The following MAGI1 variants were observed in gnomAD, a reference collection of about 807,000 sequenced individuals.
The protein encoded by MAGI1 is membrane associated guanylate kinase, WW and PDZ domain containing 1, also known as membrane-associated guanylate kinase, WW and PDZ domain-containing protein 1.
Under a neutral mutation model 139.9 loss-of-function variants are expected in MAGI1, and 58 were observed. The observed-to-expected ratio is 0.41, with a 90% CI of 0.34 to 0.52. The LOEUF (loss-of-function observed/expected upper bound fraction) is 0.52, where lower values mean the gene tolerates loss of function less well. MAGI1 is among the 20% of genes least tolerant of loss of function. The pLI is 0.12. For synonymous variants in MAGI1, 812 were observed against 737.9 expected, an observed-to-expected ratio of 1.10 and a Z score of -1.63; for missense variants, 1,874 against 1,901.6, an observed-to-expected ratio of 0.99 and a Z score of 0.27.
intron 1 of MAGI1, among the ~76,000 whole-genome samples, chr3:65,982,256 G>C (rs546098903): frequency 4.6e-5 from 7 of 152,184 alleles, no homozygotes; most frequent in Non-Finnish European, 1.0e-4. Context: ...GATCCTCTCA[G>C]CCTGAGACTG....
chr3:65,557,212 C>A (rs1195788533), intron 2 of MAGI1, among the ~76,000 whole-genome samples: 1 of 152,216 alleles, frequency 6.6e-6, no homozygotes, highest in Non-Finnish European at 1.5e-5. Context: ...GTATGCCACC[C>A]CTAAGATTAG....
intron 1 of MAGI1, among the ~76,000 whole-genome samples, chr3:65,925,607 T>C (rs1220971803): frequency 6.6e-6 from 1 of 152,200 alleles, no homozygotes; most frequent in African/African-American, 2.4e-5. Context: ...GTTTGTTAGA[T>C]TGATAAAAAT....
chr3:65,655,256 G>C (rs1030118075), intron 1 of MAGI1, among the ~76,000 whole-genome samples: 3 of 152,120 alleles, frequency 2.0e-5, no homozygotes, highest in South Asian at 2.1e-4. Context: ...ACCACCTGTA[G>C]TCCCAGATGG....
Position 65,391,176 on chromosome 3 carries a change from G to T in MAGI1, c.2382C>A (p.Ile794=). ...SGQKKPDPFK[I]WAQSRSMYEN... ...CATACATGCTCCTGGACTGGGCCCA[G>T]ATTTTAAAAGGATCTGGTTTTTTCT... Residue 794 remains isoleucine, a synonymous_variant, in exon 14 of 23, where the codon ATC becomes ATA. Transcript: ENST00000402939. 1 of 1,614,214 alleles carries T rather than the reference G, an allele frequency of 6.2e-7. No individual in the cohort carries two copies. Among genetic ancestry groups the T allele is most frequent in the Non-Finnish European group, 8.5e-7 (1 of 1,180,050 alleles).
intron 1 of MAGI1, among the ~76,000 whole-genome samples, chr3:65,942,358 G>A (rs1306078169): frequency 6.6e-6 from 1 of 152,146 alleles, no homozygotes; most frequent in Non-Finnish European, 1.5e-5. Context: ...AATGATATCT[G>A]AAGACGTTTT....
intron 1 of MAGI1, among the ~76,000 whole-genome samples, chr3:65,883,569 T>C (rs1034148386): frequency 1.3e-5 from 2 of 152,228 alleles, no homozygotes; most frequent in African/African-American, 4.8e-5. Flanking sequence ...CCAGTTTACA[T>C]GGAATGTGTC....
intron 1 of MAGI1, among the ~76,000 whole-genome samples, chr3:65,905,011 G>A (rs926411720): frequency 3.3e-5 from 5 of 152,204 alleles, no homozygotes; most frequent in Non-Finnish European, 7.3e-5. Flanking sequence ...ACTCCGTATA[G>A]GGGATCTTAA....
chr3:65,998,039 G>T (rs2066546961), intron 1 of MAGI1, among the ~76,000 whole-genome samples: 1 of 150,634 alleles, frequency 6.6e-6, no homozygotes, highest in Non-Finnish European at 1.5e-5. Flanking sequence ...GGAGGCAGAG[G>T]TTGCAGTGAG....
At chr3:65,989,513 G>A (rs555786650) in intron 1 of MAGI1, among the ~76,000 whole-genome samples, 40 of 152,206 alleles carry the variant, frequency 2.6e-4, no homozygotes, top group Middle Eastern at 3.4e-3. Context: ...AGATGAATTT[G>A]TAATACCAGA....
At chr3:66,001,903 T>C (rs1301836960) in intron 1 of MAGI1, among the ~76,000 whole-genome samples, 2 of 152,148 alleles carry the variant, frequency 1.3e-5, no homozygotes, top group Non-Finnish European at 2.9e-5. Context: ...ACAAAAGTGA[T>C]CCTATATGAT....
chr3:65,575,157 C>G (rs970405938), intron 2 of MAGI1, among the ~76,000 whole-genome samples: 1 of 151,968 alleles, frequency 6.6e-6, no homozygotes, highest in African/African-American at 2.4e-5. Context: ...GTACAAATCA[C>G]ATATCTGAAA....
rs60730110 is a variant in MAGI1 at position 65,927,142 on chromosome 3, G to C, written c.313+110854C>G. Among the ~76,000 whole-genome samples, 1,030 of 152,296 alleles carry C rather than the reference G, an allele frequency of 6.8e-3. 7 individuals are homozygous for C. The highest frequency in any genetic ancestry group is 0.024 in the African/African-American group (979 of 41,568). On this transcript the variant is annotated intron_variant, in intron 1 of 22. Transcript: ENST00000402939. ...GGGCAACCGGCAGCCCTCAGGGCTG[G>C]TCTGCCTATGGAGTAGCCATTCTTT...
At chr3:65,981,531 T>C (rs768711760) in intron 1 of MAGI1, among the ~76,000 whole-genome samples, 1 of 152,182 alleles carries the variant, frequency 6.6e-6, no homozygotes, top group Non-Finnish European at 1.5e-5. Flanking sequence ...TTATAAAATA[T>C]TATATGAGAG....
chr3:66,038,171 C>A lies in MAGI1; in HGVS notation c.138G>T (p.Ala46=). ...GCCCCGCTGCCTCGACCGCCGCCACCGCTCCGACGTACGGAAACTCCCCGT... is the reference window on the plus strand; with the variant it reads ...GCCCCGCTGCCTCGACCGCCGCCACAGCTCCGACGTACGGAAACTCCCCGT... The part of the protein sequence containing the change: ...AEHGEFPYVG[A]VAAVEAAGLP... The change falls in exon 1 of 23, where the codon GCG becomes GCT. Residue 46 remains alanine (A), a synonymous_variant. Coordinates refer to ENST00000402939, the MANE Select transcript of MAGI1 (RefSeq NM_001033057.2). The A allele has an allele frequency of 1.2e-6, 2 of 1,612,104 alleles. No homozygotes were observed. Among genetic ancestry groups the A allele is most frequent in the Non-Finnish European group, 1.7e-6 (2 of 1,179,522 alleles).
chr3:65,801,619 G>A (rs1362797636), intron 1 of MAGI1, among the ~76,000 whole-genome samples: 10 of 152,018 alleles, frequency 6.6e-5, no homozygotes, highest in Admixed American at 4.6e-4. Context: ...ACAGCTCCTC[G>A]ACCAATCACT....
chr3:65,840,274 T>C (rs2058760682), intron 1 of MAGI1, among the ~76,000 whole-genome samples: 1 of 152,160 alleles, frequency 6.6e-6, no homozygotes, highest in African/African-American at 2.4e-5. Flanking sequence ...CTTACTACCC[T>C]AGCTAGAAAT....
intron 1 of MAGI1, among the ~76,000 whole-genome samples, chr3:65,896,507 T>C (rs1234336825): frequency 6.6e-6 from 1 of 151,756 alleles, no homozygotes; most frequent in Non-Finnish European, 1.5e-5. Context: ...CAACAAAGAG[T>C]TGTTTAAAAC....
chr3:65,584,228 G>A (rs1037239036), intron 2 of MAGI1, among the ~76,000 whole-genome samples: 2 of 152,076 alleles, frequency 1.3e-5, no homozygotes, highest in African/African-American at 2.4e-5. Context: ...GAGACCAGTT[G>A]GAACAATGGT....
chr3:65,846,976 CAAA>C (rs58391331), intron 1 of MAGI1, among the ~76,000 whole-genome samples: 20 of 80,982 alleles, frequency 2.5e-4, no homozygotes, highest in African/African-American at 6.9e-4. Context: ...CAATGTCTTA[CAAA>C]AAAAAAAAAA....
Sources: allele counts gnomAD v4.1 joint callset (sites outside exome capture counted in the v4.1 genomes callset), GRCh38; gene constraint gnomAD v4.1.1; transcripts MANE v1.5; gene names NCBI Gene and HGNC (gene_info 2026-07-23, HGNC 2026-07-21).